The following EPM2A variants were observed in gnomAD, a reference collection of about 807,000 sequenced individuals.
The protein encoded by EPM2A is EPM2A glucan phosphatase, laforin.
EPM2A carries 21 observed loss-of-function variants against 26.5 expected under a neutral mutation model. That is an observed-to-expected ratio of 0.79 (90% CI 0.56 to 1.14). The LOEUF (loss-of-function observed/expected upper bound fraction) is 1.14. Ranked by LOEUF, EPM2A falls within the 50% of genes most tolerant of loss-of-function variation. The probability of loss-of-function intolerance (pLI) is 0.00; values close to 1 mark genes in which losing one functional copy is unlikely to be tolerated. For synonymous variants in EPM2A, 217 were observed against 177.6 expected (o/e 1.22, Z -1.76); for missense variants, 458 against 440.8 (o/e 1.04, Z -0.35).
intron 4 of EPM2A, among the ~76,000 whole-genome samples, chr6:145,458,893 AACT>A (rs1779295489): frequency 6.6e-6 from 1 of 152,116 alleles, no homozygotes; most frequent in South Asian, 2.1e-4. Flanking sequence ...GAACTCAAGG[AACT>A]ACTAAGTTTT....
Position 145,626,724 on chromosome 6 carries a change from T to C in EPM2A, c.*692A>G. On this transcript the variant is annotated 3_prime_UTR_variant, in exon 4 of 4. Transcript: ENST00000367519. ...TAAGCCTCAATTTAACTTCTTGACATCTCAACTATAAAAAACAAGGGTATT... is the reference window on the plus strand; with the variant it reads ...TAAGCCTCAATTTAACTTCTTGACACCTCAACTATAAAAAACAAGGGTATT... 2.0e-6 allele frequency: 2 copies of C among 986,210 alleles called. No homozygotes were observed. The highest frequency in any genetic ancestry group is 2.4e-6 in the Non-Finnish European group (2 of 830,510). 61.1% of individuals were successfully genotyped at this position (986,210 alleles called of 1,614,324 possible). A position where few individuals can be genotyped will look rare whatever the true frequency, so the allele number is the denominator to read the frequency against.
chr6:145,408,844 T>A (rs1778604088), intron 4 of EPM2A, among the ~76,000 whole-genome samples: 2 of 152,140 alleles, frequency 1.3e-5, no homozygotes, highest in Non-Finnish European at 2.9e-5. Context: ...ATGGCACTTT[T>A]TAGTTGAGTC....
At chr6:145,493,603 A>C (rs1238276424) in intron 4 of EPM2A, among the ~76,000 whole-genome samples, 1 of 152,198 alleles carries the variant, frequency 6.6e-6, no homozygotes, top group East Asian at 1.9e-4. Context: ...TTGCCCATTC[A>C]GTGTGACGTT....
chr6:145,526,665 T>C (rs1261558897), intron 2 of EPM2A, among the ~76,000 whole-genome samples: 1 of 152,026 alleles, frequency 6.6e-6, no homozygotes, highest in Admixed American at 6.6e-5. Context: ...ATTATGCTTA[T>C]TTGAAAGTTC....
intron 4 of EPM2A, among the ~76,000 whole-genome samples, chr6:145,423,469 G>C (rs1448740015): frequency 2.0e-5 from 3 of 151,398 alleles, no homozygotes; most frequent in African/African-American, 7.3e-5. Flanking sequence ...GATATGTCCT[G>C]TCATATGGAA....
intron 2 of EPM2A, among the ~76,000 whole-genome samples, chr6:145,675,226 A>T (rs1263456823): frequency 6.6e-6 from 1 of 152,224 alleles, no homozygotes; most frequent in African/African-American, 2.4e-5. Flanking sequence ...TTTACAGACA[A>T]GCAAATGCTG....
chr6:145,386,126 G>A (rs1778258652), intron 4 of EPM2A, among the ~76,000 whole-genome samples: 1 of 152,022 alleles, frequency 6.6e-6, no homozygotes, highest in African/African-American at 2.4e-5. Context: ...TTTAGGGAAA[G>A]GTGTAATCAA....
At chr6:145,659,073 G>T (rs1195823599) in intron 2 of EPM2A, among the ~76,000 whole-genome samples, 1 of 152,098 alleles carries the variant, frequency 6.6e-6, no homozygotes, top group Non-Finnish European at 1.5e-5. Flanking sequence ...ATTAATATAG[G>T]TCACTTCCTA....
At chr6:145,678,865 A>G (rs1780275324) in intron 2 of EPM2A, among the ~76,000 whole-genome samples, 1 of 152,208 alleles carries the variant, frequency 6.6e-6, no homozygotes, top group African/African-American at 2.4e-5. Context: ...ATCTAGAACT[A>G]GAAATACCAT....
chr6:145,649,543 G>C (rs1240328901), intron 2 of EPM2A, among the ~76,000 whole-genome samples: 8 of 152,176 alleles, frequency 5.3e-5, no homozygotes, highest in African/African-American at 1.7e-4. Context: ...TGACCAGTTA[G>C]CTTTTGGTTG....
At chr6:145,578,239 G>A (rs1229321046) in intron 2 of EPM2A, among the ~76,000 whole-genome samples, 2 of 151,920 alleles carry the variant, frequency 1.3e-5, no homozygotes, top group African/African-American at 2.4e-5. Flanking sequence ...AAATATAAAA[G>A]TTTAATGGAA....
intron 1 of EPM2A, among the ~76,000 whole-genome samples, chr6:145,725,910 T>C (rs1430257776): frequency 6.6e-6 from 1 of 152,096 alleles, no homozygotes; most frequent in African/African-American, 2.4e-5. Flanking sequence ...CCCATATATA[T>C]ACATAATTAA....
rs149028182 is a variant in EPM2A at position 145,390,814 on chromosome 6, C to G, written c.556-6717G>C. 8.7e-4 allele frequency among the ~76,000 whole-genome samples: 125 copies of G among 144,074 alleles called. 1 individual carries two copies. Among genetic ancestry groups the G allele is most frequent in the African/African-American group, 2.9e-3 (117 of 40,842 alleles). The allele number at this position is 144,074 out of a possible 152,430, so 94.5% of individuals were successfully genotyped here. ...TACAAGGTTTATTATGACTGACCAG[C>G]CTCAAACTTAAATGTTCTCACTAGT... On this transcript the variant is annotated intron_variant, in intron 4 of 4. Coordinates refer to the EPM2A transcript ENST00000638717.
chr6:145,459,324 A>T (rs566258777), intron 4 of EPM2A, among the ~76,000 whole-genome samples: 54 of 152,322 alleles, frequency 3.5e-4, no homozygotes, highest in African/African-American at 1.3e-3. Context: ...TAAGGTGGGA[A>T]TCTTTATCAA....
In EPM2A at chr6:145,408,104, G is replaced by A. The variant is rs1397501964; in HGVS notation, c.556-24007C>T. On this transcript the variant is annotated intron_variant, in intron 4 of 4. Transcript: ENST00000638717. ...TTAAATTTGAAACTCTGCCTGTTAT[G>A]AGCCTCAGTGTCTTGCTGTCCTTTG... Among the ~76,000 whole-genome samples, 3 of 152,094 alleles carry A rather than the reference G, an allele frequency of 2.0e-5. No homozygotes were observed. The South Asian group carries it at 6.2e-4, about 32-fold the overall frequency.
At chr6:145,523,173 T>C (rs451108) in intron 2 of EPM2A, among the ~76,000 whole-genome samples, 54,399 of 152,084 alleles carry the variant, frequency 0.36, 10,303 homozygotes, top group South Asian at 0.51. Flanking sequence ...TAGTTCTTAA[T>C]ACTCTGGGCA....
At chr6:145,697,708 G>T (rs1394012406) in intron 1 of EPM2A, among the ~76,000 whole-genome samples, 2 of 152,160 alleles carry the variant, frequency 1.3e-5, no homozygotes, top group Non-Finnish European at 2.9e-5. Flanking sequence ...TCTCCCATTT[G>T]CTTTTGAAAG....
At chr6:145,431,479 T>G (rs538702676) in intron 4 of EPM2A, among the ~76,000 whole-genome samples, 1 of 152,180 alleles carries the variant, frequency 6.6e-6, no homozygotes, top group Non-Finnish European at 1.5e-5. Context: ...AGCCACATAA[T>G]TTTTTTGTTT....
At chr6:145,665,564 C>T (rs1779113424) in intron 2 of EPM2A, among the ~76,000 whole-genome samples, 1 of 145,532 alleles carries the variant, frequency 6.9e-6, no homozygotes, top group Non-Finnish European at 1.5e-5. Context: ...GATGGATTCA[C>T]AGCCGAATTC....
Sources: allele counts gnomAD v4.1 joint callset (sites outside exome capture counted in the v4.1 genomes callset), GRCh38; gene constraint gnomAD v4.1.1; transcripts MANE v1.5; gene names NCBI Gene and HGNC (gene_info 2026-07-23, HGNC 2026-07-21).